Variants in MROH1 observed in about 807,000 individuals in gnomAD.
MROH1 encodes the protein maestro heat like repeat family member 1.
Under a neutral mutation model 116.5 loss-of-function variants are expected in MROH1, and 117 were observed. The observed-to-expected ratio is 1.00, with a 90% CI of 0.86 to 1.17. MROH1 has a LOEUF of 1.17. MROH1 is among the 50% of genes most tolerant of loss of function. The probability of loss-of-function intolerance (pLI) is 0.00; values close to 1 mark genes in which losing one functional copy is unlikely to be tolerated. For missense variants in MROH1, 1,873 were observed against 1,338.5 expected, an observed-to-expected ratio of 1.40 and a Z score of -6.23; for synonymous variants, 921 against 583.9, an observed-to-expected ratio of 1.58 and a Z score of -8.32.
chr8:144,167,882 C>T (rs113658888), intron 3 of MROH1, among the ~76,000 whole-genome samples: 4,746 of 152,204 alleles, frequency 0.031, 233 homozygotes, highest in African/African-American at 0.11. Flanking sequence ...CATAGACCCT[C>T]GGGGAGCCTT....
At chr8:144,209,027 TTGTGTGTGTGTGTGTG>T (rs71320812) in intron 12 of MROH1, among the ~76,000 whole-genome samples, 16,924 of 141,656 alleles carry the variant, frequency 0.12, 1,393 homozygotes, top group East Asian at 0.23. Context: ...CTCGGCCATT[TTGTGTGTGTGTGTGTG>T]TGTGTGTGTG....
chr8:144,186,566 C>T (rs1195444261), intron 7 of MROH1, among the ~76,000 whole-genome samples: 2 of 152,204 alleles, frequency 1.3e-5, no homozygotes, highest in Non-Finnish European at 2.9e-5. Context: ...TACAGTGACC[C>T]TTGATATCCC....
Position 144,206,658 on chromosome 8 carries a change from A to G in MROH1, c.1141+6117A>G, listed in dbSNP as rs899183690. The stretch of plus-strand genomic sequence containing the variant: ...GGCTGGTCTCGAACTCCTGGACCTC[A>G]GGTGATCCACCCGCCTCGGTCTCCC... On this transcript the variant is annotated intron_variant, in intron 12 of 43. Coordinates refer to ENST00000326134, the MANE Select transcript of MROH1 (RefSeq NM_032450.3). 4.0e-5 allele frequency among the ~76,000 whole-genome samples: 6 copies of G among 150,914 alleles called. No homozygotes were observed. In the South Asian group the frequency reaches 1.3e-3, roughly 32 times the overall value.
intron 7 of MROH1, among the ~76,000 whole-genome samples, chr8:144,188,613 C>T (rs564322805): frequency 4.6e-5 from 7 of 152,054 alleles, no homozygotes; most frequent in East Asian, 1.9e-4. Flanking sequence ...ATTACAGGGG[C>T]GTGCCACCAC....
rs1329773426 is a variant in MROH1 at position 144,234,509 on chromosome 8, T to G, written c.1339-4247T>G. Among the ~76,000 whole-genome samples the G allele has an allele frequency of 2.9e-3, 178 of 61,940 alleles. 5 individuals are homozygous for G. The highest frequency in any genetic ancestry group is 0.016 in the African/African-American group (168 of 10,786). The allele number at this position is 61,940 out of a possible 152,430, so 40.6% of individuals were successfully genotyped here. A position where few individuals can be genotyped will look rare whatever the true frequency, so the allele number is the denominator to read the frequency against. On this transcript the variant is annotated intron_variant, in intron 14 of 43. Coordinates refer to ENST00000326134, the MANE Select transcript of MROH1 (RefSeq NM_032450.3). ...TTTCTTTCTTTTTCGTTTTTTTTTTTTTTTTTTTTTTTTTTTTTTTTTTTT... is the reference window on the plus strand; with the variant it reads ...TTTCTTTCTTTTTCGTTTTTTTTTTGTTTTTTTTTTTTTTTTTTTTTTTTT...
In MROH1 at chr8:144,243,866, TTCA is replaced by T; in HGVS notation, c.2483_2485del (p.Ile828del). The T allele has an allele frequency of 2.6e-6, 2 of 779,238 alleles. No individual in the cohort carries two copies. The highest frequency in any genetic ancestry group is 2.7e-5 in the South Asian group (2 of 74,352). 48.3% of individuals were successfully genotyped at this position (779,238 alleles called of 1,614,324 possible). ...GTCATGCACCTGCCTCACCCAGGAG[TTCA>T]TCAGGGCAGAGCCCCCGGACTCCTT... On this transcript the variant is annotated inframe_deletion, in exon 26 of 44. Coordinates refer to ENST00000326134, the MANE Select transcript of MROH1 (RefSeq NM_032450.3).
At chr8:144,248,773 T>G in intron 31 of MROH1, 104 bp from the exon 32 acceptor site, 6 of 709,382 alleles carry the variant, frequency 8.5e-6, no homozygotes. Context: ...CAAGAAGGGG[T>G]GTGGCTTCCC....
At chr8:144,229,388 T>C (rs1838408666) in intron 14 of MROH1, among the ~76,000 whole-genome samples, 1 of 150,678 alleles carries the variant, frequency 6.6e-6, no homozygotes, top group Admixed American at 6.6e-5. Flanking sequence ...GAATTTTTTT[T>C]TTTTTTTTTT....
intron 14 of MROH1, among the ~76,000 whole-genome samples, chr8:144,235,519 C>G (rs1839905105): frequency 6.6e-6 from 1 of 151,988 alleles, no homozygotes; most frequent in Non-Finnish European, 1.5e-5. Context: ...GTACCACCTT[C>G]TAGTCCTGCT....
intron 4 of MROH1, among the ~76,000 whole-genome samples, chr8:144,173,417 A>AT (rs1564392290): frequency 1.1e-4 from 1 of 9,100 alleles, no homozygotes; most frequent in Non-Finnish European, 1.1e-3. Context: ...TATTTATTTT[A>AT]TTTTTATTTT....
intron 7 of MROH1, among the ~76,000 whole-genome samples, chr8:144,186,147 G>A (rs1431346500): frequency 1.3e-5 from 2 of 150,152 alleles, no homozygotes; most frequent in African/African-American, 2.5e-5. Context: ...TGGAGACAGG[G>A]TCTCACTCTG....
At chr8:144,256,045 TG>T (rs1206743867) in intron 35 of MROH1, among the ~76,000 whole-genome samples, 2 of 152,136 alleles carry the variant, frequency 1.3e-5, no homozygotes, top group African/African-American at 4.8e-5. Flanking sequence ...GTGGAGTCTT[TG>T]GGGTATAGGC....
intron 7 of MROH1, among the ~76,000 whole-genome samples, chr8:144,189,092 T>C (rs986074985): frequency 3.3e-5 from 5 of 152,308 alleles, no homozygotes; most frequent in African/African-American, 9.6e-5. Flanking sequence ...CAAGTTTAGA[T>C]TGTGCTTTGG....
At chr8:144,244,036 G>A in intron 26 of MROH1, 94 bp downstream of exon 26, 1 of 724,476 alleles carries the variant, frequency 1.4e-6, no homozygotes, top group South Asian at 1.5e-5. Context: ...GTGTGCATGT[G>A]CGTGTGTGTG....
intron 35 of MROH1, 36 bp from the exon 36 acceptor site, chr8:144,258,741 G>T: frequency 1.3e-6 from 1 of 748,886 alleles, no homozygotes; most frequent in Non-Finnish European, 2.5e-6. Context: ...GTAGGCGTGT[G>T]TGCCCTACCA....
intron 14 of MROH1, among the ~76,000 whole-genome samples, chr8:144,227,795 A>C (rs1044870014): frequency 2.0e-5 from 3 of 151,150 alleles, no homozygotes; most frequent in African/African-American, 7.3e-5. Context: ...ACAAATAATA[A>C]AAAAAAAATT....
Position 144,240,268 on chromosome 8 carries a change from G to A in MROH1, c.1827+115G>A, listed in dbSNP as rs1487405166. ...GACCTCACCTCGTGGTTTGGCTGGG[G>A]AGCCAAGGATCAGGCAGCATCAAGG... On this transcript the variant is annotated intron_variant, in intron 19 of 43. Coordinates refer to ENST00000326134, the MANE Select transcript of MROH1 (RefSeq NM_032450.3). 6 of 640,176 alleles carry A rather than the reference G, an allele frequency of 9.4e-6. No homozygotes were observed. In the Admixed American group the frequency reaches 1.5e-4, roughly 16 times the overall value. 39.7% of individuals were successfully genotyped at this position (640,176 alleles called of 1,614,324 possible).
chr8:144,249,552 C>A (rs1842489445), intron 32 of MROH1, among the ~76,000 whole-genome samples: 1 of 152,176 alleles, frequency 6.6e-6, no homozygotes, highest in African/African-American at 2.4e-5. Context: ...CCCCTCGTGA[C>A]AAGGCCGTCC....
Position 144,210,286 on chromosome 8 carries a change from A to G in MROH1, c.1141+9745A>G, listed in dbSNP as rs373739824. Among the ~76,000 whole-genome samples, 20 of 152,186 alleles carry G rather than the reference A, an allele frequency of 1.3e-4. No individual in the cohort carries two copies. In the East Asian group the frequency reaches 3.3e-3, roughly 25 times the overall value. On this transcript the variant is annotated intron_variant, in intron 12 of 43. Transcript: ENST00000326134. The stretch of plus-strand genomic sequence containing the variant: ...AAACCCTGTCTCTACTAAAAATACA[A>G]AAATTAGCCAGCGTGGTGGCAGGTG...
Sources: allele counts gnomAD v4.1 joint callset (sites outside exome capture counted in the v4.1 genomes callset), GRCh38; gene constraint gnomAD v4.1.1; transcripts MANE v1.5; gene names NCBI Gene and HGNC (gene_info 2026-07-23, HGNC 2026-07-21).